RABGAP1L: variants seen among roughly 807,000 people sequenced by gnomAD.
RABGAP1L encodes the protein rab GTPase-activating protein 1-like.
In RABGAP1L, 63 loss-of-function variants were observed where a neutral mutation model predicts 137.7. That is an observed-to-expected ratio of 0.46 (90% CI 0.37 to 0.56). The LOEUF is 0.56. Ranked by LOEUF, RABGAP1L falls within the 20% of genes least tolerant of loss-of-function variation. The probability of loss-of-function intolerance (pLI) is 0.00; values close to 1 mark genes in which losing one functional copy is unlikely to be tolerated. For missense variants in RABGAP1L, 1,095 were observed against 1,244.0 expected, an observed-to-expected ratio of 0.88 and a Z score of 1.80; for synonymous variants, 431 against 433.7, an observed-to-expected ratio of 0.99 and a Z score of 0.08.
intron 13 of RABGAP1L, among the ~76,000 whole-genome samples, chr1:174,483,467 C>G (rs943194793): frequency 1.3e-5 from 2 of 152,152 alleles, no homozygotes; most frequent in Non-Finnish European, 2.9e-5. Context: ...ATGACAGTAT[C>G]TCATTATTTT....
intron 11 of RABGAP1L, among the ~76,000 whole-genome samples, chr1:174,349,283 C>G (rs1275704211): frequency 7.5e-6 from 1 of 134,162 alleles, no homozygotes; most frequent in Non-Finnish European, 1.6e-5. Flanking sequence ...AGAGGGGCTC[C>G]TCACTTCCCA....
At chr1:174,959,526 T>C (rs1306042739) in intron 20 of RABGAP1L, among the ~76,000 whole-genome samples, 1 of 152,236 alleles carries the variant, frequency 6.6e-6, no homozygotes, top group African/African-American at 2.4e-5. Context: ...TTATAACATG[T>C]AAGATTATCA....
intron 17 of RABGAP1L, among the ~76,000 whole-genome samples, chr1:174,711,492 C>T (rs1002061352): frequency 8.5e-5 from 13 of 152,112 alleles, no homozygotes; most frequent in African/African-American, 2.4e-4. Flanking sequence ...GCACTCGGAG[C>T]GGCTGGCCTG....
At chr1:174,248,648 A>T (rs1361139884) in intron 5 of RABGAP1L, among the ~76,000 whole-genome samples, 1 of 152,146 alleles carries the variant, frequency 6.6e-6, no homozygotes, top group South Asian at 2.1e-4. Context: ...GAAGTTTTTG[A>T]ATGTGTTAGA....
intron 13 of RABGAP1L, chr1:174,547,728 A>G (rs576130964): frequency 1.1e-6 from 1 of 928,728 alleles, no homozygotes; most frequent in East Asian, 2.6e-5. Flanking sequence ...TTTATCTGCA[A>G]AGTTTGGATA....
intron 15 of RABGAP1L, among the ~76,000 whole-genome samples, chr1:174,685,606 C>T (rs1678404250): frequency 6.7e-6 from 1 of 148,162 alleles, no homozygotes; most frequent in Non-Finnish European, 1.5e-5. Context: ...CTCTGTCTTT[C>T]AGGCTGGAGT....
intron 14 of RABGAP1L, among the ~76,000 whole-genome samples, chr1:174,675,555 T>C (rs1677554595): frequency 6.6e-6 from 1 of 151,886 alleles, no homozygotes; most frequent in Non-Finnish European, 1.5e-5. Context: ...TGGCTTAGGA[T>C]TGACTTGGCG....
intron 13 of RABGAP1L, among the ~76,000 whole-genome samples, chr1:174,619,443 G>C (rs545783014): frequency 6.6e-6 from 1 of 152,134 alleles, no homozygotes; most frequent in Non-Finnish European, 1.5e-5. Context: ...CAGATCTCTC[G>C]GCAGAAAGTC....
intron 11 of RABGAP1L, among the ~76,000 whole-genome samples, chr1:174,350,818 C>G (rs868264166): frequency 1.3e-5 from 1 of 77,076 alleles, no homozygotes; most frequent in East Asian, 3.5e-4. Context: ...ACTGAGTGAA[C>G]GAGACTCCGT....
At chr1:174,840,950 A>G (rs989571306) in intron 19 of RABGAP1L, among the ~76,000 whole-genome samples, 1 of 152,206 alleles carries the variant, frequency 6.6e-6, no homozygotes, top group African/African-American at 2.4e-5. Flanking sequence ...ACAAGATTGA[A>G]TTTAGTGGAA....
chr1:174,176,737 A>ATAAAT (rs1271843194), intron 1 of RABGAP1L, among the ~76,000 whole-genome samples: 1 of 132,796 alleles, frequency 7.5e-6, no homozygotes. Flanking sequence ...AAAAAAAAAA[A>ATAAAT]AAAAAAAAAG....
At chr1:174,929,971 C>T (rs1192052262) in intron 19 of RABGAP1L, among the ~76,000 whole-genome samples, 2 of 150,284 alleles carry the variant, frequency 1.3e-5, no homozygotes, top group Non-Finnish European at 3.0e-5. Flanking sequence ...CCACCTCAGC[C>T]TCCTGAGTAC....
At chr1:174,731,723 C>G (rs965595721) in intron 17 of RABGAP1L, among the ~76,000 whole-genome samples, 2 of 152,184 alleles carry the variant, frequency 1.3e-5, no homozygotes, top group African/African-American at 4.8e-5. Flanking sequence ...AGGCTAGATT[C>G]TATAGGCATA....
chr1:174,661,509 C>A (rs1676366637), intron 14 of RABGAP1L, among the ~76,000 whole-genome samples: 1 of 151,976 alleles, frequency 6.6e-6, no homozygotes, highest in South Asian at 2.1e-4. Context: ...TGGGAATATA[C>A]CTACATTAAT....
chr1:174,225,269 C>G (rs1333542887), intron 3 of RABGAP1L, among the ~76,000 whole-genome samples: 1 of 151,450 alleles, frequency 6.6e-6, no homozygotes, highest in African/African-American at 2.4e-5. Flanking sequence ...TTTTTTGTTT[C>G]TCTGTGGATA....
rs61414923 is a variant in RABGAP1L at position 174,516,120 on chromosome 1, TACACACACAC to T, written c.1711-121218_1711-121209del. Among the ~76,000 whole-genome samples, 292 of 133,302 alleles carry T rather than the reference TACACACACAC, an allele frequency of 2.2e-3. 1 individual carries two copies. The highest frequency in any genetic ancestry group is 4.0e-3 in the African/African-American group (136 of 33,910). The allele number at this position is 133,302 out of a possible 152,430, so 87.5% of individuals were successfully genotyped here. ...AGTCAAGGGATGAAAACTGAAGCTC[TACACACACAC>T]ACACACACACACACACACACACACA... is the stretch of plus-strand genomic sequence containing the variant. On this transcript the variant is annotated intron_variant, in intron 13 of 25. Coordinates refer to ENST00000681986, the MANE Select transcript of RABGAP1L (RefSeq NM_001366446.1).
chr1:174,974,877 C>T (rs1670513075), intron 21 of RABGAP1L, among the ~76,000 whole-genome samples: 1 of 152,226 alleles, frequency 6.6e-6, no homozygotes. Context: ...CTGGGCTGGC[C>T]TGGCCCATCT....
At chr1:174,297,068 C>G (rs142387562) in intron 10 of RABGAP1L, among the ~76,000 whole-genome samples, 274 of 152,300 alleles carry the variant, frequency 1.8e-3, no homozygotes, top group African/African-American at 6.4e-3. Context: ...CATTTAGGTG[C>G]TACTACTTAT....
chr1:174,683,807 G>A (rs1236387136), intron 15 of RABGAP1L, among the ~76,000 whole-genome samples: 6 of 152,134 alleles, frequency 3.9e-5, no homozygotes, highest in Non-Finnish European at 8.8e-5. Context: ...GGCTAGAAAA[G>A]GATAAATTGC....
Sources: allele counts gnomAD v4.1 joint callset (sites outside exome capture counted in the v4.1 genomes callset), GRCh38; gene constraint gnomAD v4.1.1; transcripts MANE v1.5; gene names NCBI Gene and HGNC (gene_info 2026-07-23, HGNC 2026-07-21).